NRG3: variants seen among roughly 807,000 people sequenced by gnomAD.
NRG3 encodes pro-neuregulin-3, membrane-bound isoform.
NRG3 carries 31 observed loss-of-function variants against 66.9 expected under a neutral mutation model. That is an observed-to-expected ratio of 0.46 (90% CI 0.35 to 0.63). The LOEUF (loss-of-function observed/expected upper bound fraction) is 0.63. NRG3 is among the 20% of genes least tolerant of loss of function. The probability of loss-of-function intolerance (pLI) is 0.00; values close to 1 mark genes in which losing one functional copy is unlikely to be tolerated. For missense variants in NRG3, 910 were observed against 878.9 expected (o/e 1.04, Z -0.45); for synonymous variants, 393 against 359.4 (o/e 1.09, Z -1.06).
intron 2 of NRG3, among the ~76,000 whole-genome samples, chr10:82,667,465 G>A (rs1364998722): frequency 6.6e-6 from 1 of 152,188 alleles, no homozygotes; most frequent in Non-Finnish European, 1.5e-5. Context: ...TTTGCCCAAA[G>A]TACCCGTTGA....
At chr10:82,111,015 A>T (rs2067355315) in intron 1 of NRG3, among the ~76,000 whole-genome samples, 1 of 152,170 alleles carries the variant, frequency 6.6e-6, no homozygotes. Context: ...GTGCTTTTGC[A>T]ACTTTTCTGT....
chr10:82,424,713 C>T (rs2089306268), intron 2 of NRG3, among the ~76,000 whole-genome samples: 1 of 151,896 alleles, frequency 6.6e-6, no homozygotes, highest in Admixed American at 6.6e-5. Context: ...AAACTATCAC[C>T]TAACTCGAGG....
chr10:82,281,869 A>C (rs577256788), intron 1 of NRG3, among the ~76,000 whole-genome samples: 56 of 152,232 alleles, frequency 3.7e-4, no homozygotes, highest in African/African-American at 1.0e-3. Context: ...TCATTTTTAC[A>C]TTATTCATTG....
At chr10:82,057,400 T>A (rs12355129) in intron 1 of NRG3, among the ~76,000 whole-genome samples, 37,265 of 151,972 alleles carry the variant, frequency 0.25, 4,693 homozygotes, top group Middle Eastern at 0.33. Context: ...TGTTGTTCTT[T>A]GGTGTTTAAT....
At chr10:82,505,231 G>C (rs1844559353) in intron 2 of NRG3, among the ~76,000 whole-genome samples, 1 of 152,146 alleles carries the variant, frequency 6.6e-6, no homozygotes, top group Non-Finnish European at 1.5e-5. Flanking sequence ...AGAATGTCAG[G>C]CATAATACAA....
At chr10:82,553,303 G>A (rs1227719264) in intron 2 of NRG3, among the ~76,000 whole-genome samples, 1 of 151,848 alleles carries the variant, frequency 6.6e-6, no homozygotes, top group Non-Finnish European at 1.5e-5. Context: ...AAACGAATAG[G>A]TAGGAGGATA....
chr10:82,782,031 A>G (rs74607247), intron 3 of NRG3, among the ~76,000 whole-genome samples: 2,131 of 152,170 alleles, frequency 0.014, 49 homozygotes, highest in African/African-American at 0.048. Flanking sequence ...AGATTTTTAG[A>G]TGTATCATCT....
intron 1 of NRG3, among the ~76,000 whole-genome samples, chr10:82,119,709 A>G (rs995728858): frequency 6.6e-6 from 1 of 152,124 alleles, no homozygotes; most frequent in Non-Finnish European, 1.5e-5. Context: ...ATTCCTGTAA[A>G]TATACAGGGA....
chr10:82,210,928 A>G lies in NRG3; in HGVS notation c.824-147811A>G, dbSNP rs542254908. 3.3e-5 allele frequency among the ~76,000 whole-genome samples: 5 copies of G among 152,094 alleles called. No individual in the cohort carries two copies. The East Asian group carries it at 9.7e-4, about 29-fold the overall frequency. ...GCATTTCATTGGAACTTGGTAAAAA[A>G]AAAAAAAAAGGCTGCATATCTTGGT... On this transcript the variant is annotated intron_variant, in intron 1 of 8. Transcript: ENST00000372141.
intron 1 of NRG3, among the ~76,000 whole-genome samples, chr10:82,043,194 G>C (rs1185867131): frequency 6.6e-6 from 1 of 151,970 alleles, no homozygotes; most frequent in East Asian, 1.9e-4. Context: ...GAGTCTCTTA[G>C]TGCTTAATTC....
intron 2 of NRG3, among the ~76,000 whole-genome samples, chr10:82,611,821 C>T (rs879933893): frequency 6.6e-6 from 1 of 152,114 alleles, no homozygotes; most frequent in Non-Finnish European, 1.5e-5. Flanking sequence ...ACTTCTAGTC[C>T]TAGACCCTTG....
At chr10:81,936,055 T>A (rs1382253190) in intron 1 of NRG3, among the ~76,000 whole-genome samples, 1 of 152,106 alleles carries the variant, frequency 6.6e-6, no homozygotes, top group African/African-American at 2.4e-5. Context: ...GTGTTCACCA[T>A]GTAAGTGGGC....
At chr10:82,162,998 A>G (rs534911699) in intron 1 of NRG3, among the ~76,000 whole-genome samples, 3 of 152,230 alleles carry the variant, frequency 2.0e-5, no homozygotes, top group African/African-American at 7.2e-5. Context: ...GCTATGGACT[A>G]TTGATTTTCA....
chr10:82,397,960 G>A (rs1267127324), intron 2 of NRG3, among the ~76,000 whole-genome samples: 2 of 152,144 alleles, frequency 1.3e-5, no homozygotes, highest in South Asian at 2.1e-4. Flanking sequence ...CACCCACAAA[G>A]GGCAGTCTGT....
At chr10:82,381,523 T>G (rs1450040687) in intron 2 of NRG3, among the ~76,000 whole-genome samples, 3 of 152,148 alleles carry the variant, frequency 2.0e-5, no homozygotes, top group African/African-American at 7.2e-5. Flanking sequence ...CCTCCAGAGC[T>G]TAGATTCTCA....
intron 4 of NRG3, among the ~76,000 whole-genome samples, chr10:82,886,379 T>C (rs1198422721): frequency 3.9e-5 from 6 of 152,338 alleles, no homozygotes; most frequent in East Asian, 1.9e-4. Flanking sequence ...TGAGTTTGAA[T>C]GTTCCCTTAC....
rs1376610427 is a variant in NRG3 at position 82,608,262 on chromosome 10, T to A, written c.954-130315T>A. Among the ~76,000 whole-genome samples the A allele has an allele frequency of 2.6e-5, 4 of 152,238 alleles. No individual in the cohort carries two copies. In the South Asian group the frequency reaches 8.3e-4, roughly 31 times the overall value. ...TCTTTCCTGCACAGCTTCTGTTGAA[T>A]GTAGAAGAGAAATTTAATGTAGTAC... On this transcript the variant is annotated intron_variant, in intron 2 of 8. Coordinates refer to ENST00000372141, the MANE Select transcript of NRG3 (RefSeq NM_001010848.4).
intron 2 of NRG3, among the ~76,000 whole-genome samples, chr10:82,489,335 A>G (rs1320948772): frequency 2.6e-5 from 4 of 152,210 alleles, no homozygotes; most frequent in African/African-American, 9.7e-5. Context: ...AACAGTTAGC[A>G]ATCTTTGTTT....
rs187517283 is a variant in NRG3 at position 82,788,771 on chromosome 10, C to T, written c.1027+50121C>T. Among the ~76,000 whole-genome samples, 172 of 151,250 alleles carry T rather than the reference C, an allele frequency of 1.1e-3. 1 individual carries two copies. Among genetic ancestry groups the T allele is most frequent in the Admixed American group, 1.9e-3 (29 of 15,266 alleles). ...ACTTTATCAAATGTTAATACTCTGT[C>T]TCAAAAAAAAAATTTTTTTTTTAAA... On this transcript the variant is annotated intron_variant, in intron 3 of 8. Coordinates refer to ENST00000372141, the MANE Select transcript of NRG3 (RefSeq NM_001010848.4).
Sources: gnomAD v4.1 joint callset for allele counts (sites outside exome capture counted in the v4.1 genomes callset) on GRCh38, gnomAD v4.1.1 for gene constraint, MANE v1.5 for transcripts, NCBI Gene and HGNC (gene_info 2026-07-23, HGNC 2026-07-21) for gene names.